The following TMEM218 variants were observed in gnomAD, a reference collection of about 807,000 sequenced individuals.
TMEM218 encodes the protein transmembrane protein 218.
Under a neutral mutation model 10.0 loss-of-function variants are expected in TMEM218, and 8 were observed. The observed-to-expected ratio is 0.80, with a 90% CI of 0.47 to 1.44. TMEM218 has a LOEUF of 1.44. TMEM218 is among the 40% of genes most tolerant of loss of function. The probability of loss-of-function intolerance (pLI) is 0.00; values close to 1 mark genes in which losing one functional copy is unlikely to be tolerated. For missense variants in TMEM218, 110 were observed against 140.1 expected (o/e 0.79, Z 1.08); for synonymous variants, 66 against 63.5 (o/e 1.04, Z -0.18).
chr11:125,100,869 C>G (rs1315542837), intron 4 of TMEM218, among the ~76,000 whole-genome samples: 1 of 152,096 alleles, frequency 6.6e-6, no homozygotes, highest in African/African-American at 2.4e-5. Flanking sequence ...TGTGACTATC[C>G]CTATTTCATT....
In TMEM218 at chr11:125,110,688, G is replaced by C. The variant is rs1431702246; in HGVS notation, c.-153+851C>G. Reference sequence around the variant, plus strand: ...TTCCTCAGAGGGTAATGTGGCCTAAGTGCTGCTGCTGGAGGGAGATATCTC... The same window carrying C: ...TTCCTCAGAGGGTAATGTGGCCTAACTGCTGCTGCTGGAGGGAGATATCTC... On this transcript the variant is annotated intron_variant, in intron 1 of 4. Coordinates refer to ENST00000682305, the MANE Select transcript of TMEM218 (RefSeq NM_001258244.2). 4 of 152,214 alleles carry C rather than the reference G, an allele frequency of 2.6e-5. No individual in the cohort carries two copies. The East Asian group carries it at 7.7e-4, about 29-fold the overall frequency. 9.4% of individuals were successfully genotyped at this position (152,214 alleles called of 1,614,324 possible).
chr11:125,094,645 AC>A lies in TMEM218; in HGVS notation c.*2960del, dbSNP rs1334296344. Among the ~76,000 whole-genome samples, 4 of 106,574 alleles carry A rather than the reference AC, an allele frequency of 3.8e-5. No homozygotes were observed. The highest frequency in any genetic ancestry group is 9.1e-5 in the African/African-American group (2 of 21,870). 69.9% of individuals were successfully genotyped at this position (106,574 alleles called of 152,430 possible). A position where few individuals can be genotyped will look rare whatever the true frequency, so the allele number is the denominator to read the frequency against. Reference sequence around the variant, plus strand: ...CCTGTTTCTCATCTGTAAAATAATCACAGCAGGTTTCTTTACACATTGAGCA... The same window carrying A: ...CCTGTTTCTCATCTGTAAAATAATCAAGCAGGTTTCTTTACACATTGAGCA... On this transcript the variant is annotated 3_prime_UTR_variant, in exon 5 of 5. Coordinates refer to ENST00000682305, the MANE Select transcript of TMEM218 (RefSeq NM_001258244.2).
chr11:125,100,277 T>C (rs527613863), intron 4 of TMEM218, among the ~76,000 whole-genome samples: 6 of 152,356 alleles, frequency 3.9e-5, no homozygotes, highest in African/African-American at 9.6e-5. Context: ...TGAATCCCTG[T>C]TCTGCCTCTT....
intron 4 of TMEM218, among the ~76,000 whole-genome samples, chr11:125,099,267 T>C (rs1317098133): frequency 6.6e-6 from 1 of 152,198 alleles, no homozygotes; most frequent in Non-Finnish European, 1.5e-5. Flanking sequence ...TGACCTTGGC[T>C]CCGGTACTGA....
rs1949444438 is a variant in TMEM218, at chr11:125,094,938, AGAAT to A, written c.*2664_*2667del. Among the ~76,000 whole-genome samples the A allele has an allele frequency of 6.6e-6, 1 of 152,216 alleles. No individual in the cohort carries two copies. Among genetic ancestry groups the A allele is most frequent in the Non-Finnish European group, 1.5e-5 (1 of 68,042 alleles). ...TATGCTGAATGAATGGCAGGATTCG[AGAAT>A]GAATGGCTATGTACTCCCTAGTCCC... On this transcript the variant is annotated 3_prime_UTR_variant, in exon 5 of 5. Transcript: ENST00000682305.
intron 1 of TMEM218, among the ~76,000 whole-genome samples, chr11:125,106,320 T>C (rs1280209591): frequency 6.6e-5 from 10 of 151,150 alleles, no homozygotes; most frequent in East Asian, 3.9e-4. Flanking sequence ...GCAAAACAGA[T>C]GTAAAGCTCT....
rs1950799097 is a variant in TMEM218 at position 125,101,588 on chromosome 11, G to A, written c.111-285C>T. On this transcript the variant is annotated intron_variant, in intron 3 of 4. Transcript: ENST00000682305. The stretch of plus-strand genomic sequence containing the variant: ...AAAGTCATAATCAAGAAAAACCAAA[G>A]CATCCCCTCTCCACCTCCACTTCTG... 39 of 1,062,636 alleles carry A rather than the reference G, an allele frequency of 3.7e-5. No individual in the cohort carries two copies. The South Asian group carries it at 6.2e-4, about 17-fold the overall frequency. 65.8% of individuals were successfully genotyped at this position (1,062,636 alleles called of 1,614,324 possible). A position where few individuals can be genotyped will look rare whatever the true frequency, so the allele number is the denominator to read the frequency against.
chr11:125,109,168 G>A (rs1306494649), intron 1 of TMEM218, among the ~76,000 whole-genome samples: 1 of 125,874 alleles, frequency 7.9e-6, no homozygotes, highest in African/African-American at 3.1e-5. Context: ...TGATCTATAT[G>A]TATTGATGTG....
At chr11:125,109,512 G>T (rs1161798029) in intron 1 of TMEM218, among the ~76,000 whole-genome samples, 1 of 152,078 alleles carries the variant, frequency 6.6e-6, no homozygotes, top group Non-Finnish European at 1.5e-5. Context: ...TAATCTGATT[G>T]GTGGAACATA....
At chr11:125,102,959 C>T (rs112782984) in intron 1 of TMEM218, 150 bp from the exon 2 acceptor site, 18 of 257,176 alleles carry the variant, frequency 7.0e-5, no homozygotes, top group African/African-American at 2.5e-4. Flanking sequence ...GATATAAGCG[C>T]GATGGGGTAT....
rs544577542 is a variant in TMEM218 at position 125,104,008 on chromosome 11, A to G, written c.-152-1199T>C. On this transcript the variant is annotated intron_variant, in intron 1 of 4. Coordinates refer to ENST00000682305, the MANE Select transcript of TMEM218 (RefSeq NM_001258244.2). ...TGGGGATGCCAAAGGTGAATAAGAT[A>G]TCTTCTGACAGAAGCTCAAGGTCTA... is the stretch of plus-strand genomic sequence containing the variant. 5 of 152,364 alleles carry G rather than the reference A, an allele frequency of 3.3e-5. No individual in the cohort carries two copies. The East Asian group carries it at 9.6e-4, about 29-fold the overall frequency. 9.4% of individuals were successfully genotyped at this position (152,364 alleles called of 1,614,324 possible).
At chr11:125,102,018 C>A in intron 3 of TMEM218, 114 bp downstream of exon 3, 1 of 1,245,434 alleles carries the variant, frequency 8.0e-7, no homozygotes, top group Non-Finnish European at 1.1e-6. Flanking sequence ...GCAACTCATT[C>A]AAACTGCCAG....
rs1034442745 is a variant in TMEM218 at position 125,094,421 on chromosome 11, C to CT, written c.*3184dup. Among the ~76,000 whole-genome samples, 7 of 152,150 alleles carry CT rather than the reference C, an allele frequency of 4.6e-5. No homozygotes were observed. Among genetic ancestry groups the CT allele is most frequent in the Non-Finnish European group, 5.9e-5 (4 of 68,024 alleles). On this transcript the variant is annotated 3_prime_UTR_variant, in exon 5 of 5. Transcript: ENST00000682305. ...TAGAATCCTTTAATGAAACTTTTAC[C>CT]TTTTTGGATATGTGTTAAGAAAATG...
chr11:125,104,672 T>C (rs1474852454), intron 1 of TMEM218: 1 of 152,216 alleles, frequency 6.6e-6, no homozygotes, highest in South Asian at 2.1e-4. Context: ...AACAAGTATC[T>C]GTGGGAGGAA....
chr11:125,098,104 T>G (rs1949959514), intron 4 of TMEM218, among the ~76,000 whole-genome samples: 1 of 152,218 alleles, frequency 6.6e-6, no homozygotes, highest in Non-Finnish European at 1.5e-5. Context: ...ATACATTTTA[T>G]TACGGAGAAT....
intron 4 of TMEM218, among the ~76,000 whole-genome samples, chr11:125,097,950 G>A (rs1012208350): frequency 2.0e-5 from 3 of 152,144 alleles, no homozygotes; most frequent in Non-Finnish European, 4.4e-5. Flanking sequence ...TGAGGGACAG[G>A]GAACAAATGG....
At chr11:125,102,078 G>A (rs571942736) in intron 3 of TMEM218, 54 bp downstream of exon 3, 5 of 1,473,782 alleles carry the variant, frequency 3.4e-6, no homozygotes, top group South Asian at 2.9e-5. Context: ...GAGCATCAGC[G>A]ATTTTGCCTC....
rs1317506505 is a variant in TMEM218 at position 125,097,608 on chromosome 11, A to T, written c.346T>A (p.Ter116ArgextTer35). The stretch of plus-strand genomic sequence containing the variant: ...GTTTTCGTTTTCCTGAAGAGTGGTC[A>T]GTAGGAGTGCAGTGGTTTGGCATAG... ...PIYAKPLHSY[*>R] Residue 116 changes from the stop codon to arginine, a stop_lost, in exon 5 of 5, where the codon TGA (stop) becomes AGA (arginine). Coordinates refer to ENST00000682305, the MANE Select transcript of TMEM218 (RefSeq NM_001258244.2). 1 of 1,613,822 alleles carries T rather than the reference A, an allele frequency of 6.2e-7. No individual in the cohort carries two copies. The highest frequency in any genetic ancestry group is 8.5e-7 in the Non-Finnish European group (1 of 1,179,834).
chr11:125,107,821 A>G (rs1292537162), intron 1 of TMEM218, among the ~76,000 whole-genome samples: 7 of 150,512 alleles, frequency 4.7e-5, no homozygotes, highest in Non-Finnish European at 1.5e-5. Flanking sequence ...ATATATCTGC[A>G]TAAATATGAA....
Sources: gnomAD v4.1 joint callset for allele counts (sites outside exome capture counted in the v4.1 genomes callset) on GRCh38, gnomAD v4.1.1 for gene constraint, MANE v1.5 for transcripts, NCBI Gene and HGNC (gene_info 2026-07-23, HGNC 2026-07-21) for gene names.